Variants in CDK17 observed in about 807,000 individuals in gnomAD.
CDK17 encodes cyclin dependent kinase 17, also known as cyclin-dependent kinase 17.
In CDK17, 24 loss-of-function variants were observed where a neutral mutation model predicts 77.6. The observed-to-expected ratio is 0.31, with a 90% CI of 0.22 to 0.44. CDK17 has a LOEUF of 0.44. Ranked by LOEUF, CDK17 falls within the 20% of genes least tolerant of loss-of-function variation. CDK17 has a pLI of 1.00. For missense variants in CDK17, 429 were observed against 622.5 expected, an observed-to-expected ratio of 0.69 and a Z score of 3.31; for synonymous variants, 203 against 210.4, an observed-to-expected ratio of 0.96 and a Z score of 0.30.
intron 13 of CDK17, among the ~76,000 whole-genome samples, chr12:96,285,161 T>C (rs1374247983): frequency 6.6e-6 from 1 of 152,182 alleles, no homozygotes; most frequent in Non-Finnish European, 1.5e-5. Context: ...AAATAGAATT[T>C]ATGCTACTTG....
chr12:96,310,698 T>C (rs1233226818), intron 5 of CDK17, among the ~76,000 whole-genome samples: 2 of 151,374 alleles, frequency 1.3e-5, no homozygotes, highest in Non-Finnish European at 2.9e-5. Context: ...TGTACAATTA[T>C]GGTTTGTGTA....
intron 1 of CDK17, among the ~76,000 whole-genome samples, chr12:96,336,718 GTGT>G (rs1168848619): frequency 6.6e-6 from 1 of 152,124 alleles, no homozygotes; most frequent in Non-Finnish European, 1.5e-5. Context: ...CTTTTCAGCT[GTGT>G]CTAATCTGCA....
intron 1 of CDK17, among the ~76,000 whole-genome samples, chr12:96,348,109 G>A (rs535380835): frequency 1.3e-5 from 2 of 151,434 alleles, no homozygotes; most frequent in South Asian, 2.1e-4. Context: ...ATAACCTAAC[G>A]GTACACTTTA....
chr12:96,284,556 A>C (rs1304482272), intron 13 of CDK17: 1 of 149,710 alleles, frequency 6.7e-6, no homozygotes, highest in Admixed American at 6.6e-5. Flanking sequence ...TAGTAGGGTT[A>C]GGGATTATCT....
chr12:96,339,761 C>G (rs1455519163), intron 1 of CDK17, among the ~76,000 whole-genome samples: 1 of 151,870 alleles, frequency 6.6e-6, no homozygotes, highest in East Asian at 1.9e-4. Context: ...AAAACTCTGT[C>G]TCTACTAAAA....
intron 5 of CDK17, 122 bp from the exon 6 acceptor site, chr12:96,300,482 C>T (rs1428096784): frequency 6.8e-6 from 4 of 585,522 alleles, no homozygotes; most frequent in Non-Finnish European, 1.2e-5. Context: ...CTGCAACCTC[C>T]ACCTCGCGGG....
At chr12:96,381,343 T>C (rs1414617531) in intron 1 of CDK17, among the ~76,000 whole-genome samples, 1 of 142,194 alleles carries the variant, frequency 7.0e-6, no homozygotes, top group Non-Finnish European at 1.5e-5. Flanking sequence ...TTTCATCCCA[T>C]GTACAAAACC....
chr12:96,290,392 T>C (rs1952308784), intron 10 of CDK17, among the ~76,000 whole-genome samples: 1 of 152,352 alleles, frequency 6.6e-6, no homozygotes, highest in Middle Eastern at 3.4e-3. Context: ...ATTGCTGTTA[T>C]ATATAACTTG....
chr12:96,304,850 G>A (rs1952556854), intron 5 of CDK17, among the ~76,000 whole-genome samples: 1 of 152,114 alleles, frequency 6.6e-6, no homozygotes, highest in African/African-American at 2.4e-5. Flanking sequence ...GAGATGTAAG[G>A]ACTTGATTGT....
At chr12:96,295,866 G>GA (rs1392278867) in intron 9 of CDK17, among the ~76,000 whole-genome samples, 1 of 152,108 alleles carries the variant, frequency 6.6e-6, no homozygotes, top group African/African-American at 2.4e-5. Flanking sequence ...GAGGGTTACG[G>GA]AACACATAAG....
In CDK17 at chr12:96,297,282, C is replaced by A; in HGVS notation, c.861G>T (p.Met287Ile). Residue 287 changes from methionine (M) to isoleucine (I), a missense_variant, in exon 9 of 17, where the codon ATG (methionine) becomes ATT (isoleucine). Met to Ile is a conservative substitution (Grantham distance 10). This residue lies in a region of CDK17 where 262 missense variants were observed against 385.4 expected (regional missense o/e 0.68). Coordinates refer to ENST00000261211, the MANE Select transcript of CDK17 (RefSeq NM_002595.5). ...YMDDCGNIMSMHNVKLFLYQI... is the reference protein window; with the variant it reads ...YMDDCGNIMSIHNVKLFLYQI... The stretch of plus-strand genomic sequence containing the variant: ...CAAGAAAACATACCTTTACGTTGTG[C>A]ATACTCATGATGTTTCCACAGTCAT... 2 of 1,608,678 alleles carry A rather than the reference C, an allele frequency of 1.2e-6. No homozygotes were observed. The highest frequency in any genetic ancestry group is 1.7e-6 in the Non-Finnish European group (2 of 1,176,352).
At chr12:96,340,690 A>T (rs1340650722) in intron 1 of CDK17, among the ~76,000 whole-genome samples, 1 of 152,212 alleles carries the variant, frequency 6.6e-6, no homozygotes, top group African/African-American at 2.4e-5. Context: ...ACTACTACTT[A>T]CACTGGCTTT....
intron 3 of CDK17, among the ~76,000 whole-genome samples, chr12:96,316,354 C>T (rs370050616): frequency 0.047 from 7,001 of 149,678 alleles, 211 homozygotes; most frequent in East Asian, 0.11. Context: ...GAGATCAAAC[C>T]GCAAGGCGGC....
chr12:96,367,856 A>AAG (rs1555206007), intron 1 of CDK17, among the ~76,000 whole-genome samples: 1 of 142,590 alleles, frequency 7.0e-6, no homozygotes, highest in Non-Finnish European at 1.5e-5. Flanking sequence ...TCTCTACTTA[A>AAG]AAAAAAAAAA....
chr12:96,380,140 G>A (rs1953853031), intron 1 of CDK17, among the ~76,000 whole-genome samples: 1 of 147,990 alleles, frequency 6.8e-6, no homozygotes, highest in Admixed American at 6.8e-5. Context: ...ATGCACCCTA[G>A]CCTGAGAGAC....
chr12:96,347,537 G>A lies in CDK17; in HGVS notation c.-29-12672C>T, dbSNP rs916844764. Among the ~76,000 whole-genome samples, 8 of 143,222 alleles carry A rather than the reference G, an allele frequency of 5.6e-5. No individual in the cohort carries two copies. In the East Asian group the frequency reaches 8.8e-4, roughly 16 times the overall value. 94.0% of individuals were successfully genotyped at this position (143,222 alleles called of 152,430 possible). A position where few individuals can be genotyped will look rare whatever the true frequency, so the allele number is the denominator to read the frequency against. The stretch of plus-strand genomic sequence containing the variant: ...GCCAGGATCACACTCCAGCCTGGAC[G>A]ACAGAGTGAGACTCTGTCTCACAGA... On this transcript the variant is annotated intron_variant, in intron 1 of 16. Coordinates refer to ENST00000261211, the MANE Select transcript of CDK17 (RefSeq NM_002595.5).
chr12:96,328,742 G>C (rs1305294207), intron 2 of CDK17, among the ~76,000 whole-genome samples: 1 of 152,092 alleles, frequency 6.6e-6, no homozygotes, highest in Non-Finnish European at 1.5e-5. Context: ...AGACAAGAAG[G>C]CATTTAAATA....
At chr12:96,359,565 C>T (rs752867512) in intron 1 of CDK17, among the ~76,000 whole-genome samples, 2 of 152,174 alleles carry the variant, frequency 1.3e-5, no homozygotes. Flanking sequence ...TAAATCAGGT[C>T]ACATGGCCAT....
rs1435117026 is a variant in CDK17 at position 96,313,346 on chromosome 12, C to T, written c.392G>A (p.Arg131His). 5.0e-6 allele frequency: 8 copies of T among 1,591,926 alleles called. No homozygotes were observed. Among genetic ancestry groups the T allele is most frequent in the Middle Eastern group, 1.7e-4 (1 of 6,030 alleles). ...CTCCATTGAGATCCGTCTATGTATA[C>T]GATTTCTGAGACAAACACCTGTAGG... is the stretch of plus-strand genomic sequence containing the variant. ...QSPTGVCLRN[R>H]IHRRISMEDL... Residue 131 changes from arginine (R) to histidine (H), a missense_variant, in exon 4 of 17, where the codon CGT (arginine) becomes CAT (histidine). Coordinates refer to ENST00000261211, the MANE Select transcript of CDK17 (RefSeq NM_002595.5).
Sources: allele counts gnomAD v4.1 joint callset (sites outside exome capture counted in the v4.1 genomes callset), GRCh38; gene constraint gnomAD v4.1.1; regional missense constraint gnomAD v4.1.1; transcripts MANE v1.5; gene names NCBI Gene and HGNC (gene_info 2026-07-23, HGNC 2026-07-21).